Variants in PRPF19 observed in about 807,000 individuals in gnomAD.
PRPF19 encodes pre-mRNA-processing factor 19.
Under a neutral mutation model 64.2 loss-of-function variants are expected in PRPF19, and 2 were observed. The observed-to-expected ratio is 0.03, with a 90% CI of 0.01 to 0.10. PRPF19 has a LOEUF of 0.10. Ranked by LOEUF, PRPF19 falls within the 10% of genes least tolerant of loss-of-function variation. The pLI, the probability that PRPF19 is intolerant of heterozygous loss-of-function variation, is 1.00. For synonymous variants in PRPF19, 226 were observed against 251.6 expected, an observed-to-expected ratio of 0.90 and a Z score of 0.96; for missense variants, 314 against 650.0, an observed-to-expected ratio of 0.48 and a Z score of 5.62.
intron 1 of PRPF19, 145 bp downstream of exon 1, chr11:60,906,219 C>G: frequency 1.5e-6 from 2 of 1,296,984 alleles, no homozygotes; most frequent in Non-Finnish European, 1.0e-6. Context: ...ACGGGGGGGG[C>G]TCCGGTGCTG....
chr11:60,904,867 C>T (rs1856025666), intron 1 of PRPF19, among the ~76,000 whole-genome samples: 1 of 152,176 alleles, frequency 6.6e-6, no homozygotes. Flanking sequence ...CCTCTCATTT[C>T]CCCAGGTAAA....
rs769596224 is a variant in PRPF19 at position 60,898,513 on chromosome 11, C to A, written c.1140+28G>T. 7 of 1,613,900 alleles carry A rather than the reference C, an allele frequency of 4.3e-6. No homozygotes were observed. The South Asian group carries it at 7.7e-5, about 18-fold the overall frequency. ...CACAAACACTCCCTCTGGCCCTGGG[C>A]CTCAGATGGAGGCCTACCATGTCCT... On this transcript the variant is annotated intron_variant, in intron 13 of 15. Transcript: ENST00000227524. This position sits in a 1 kb window ranked among gnomAD's most constrained non-coding sequence, Gnocchi z 4.6.
chr11:60,899,682 A>C (rs969807152), intron 10 of PRPF19, among the ~76,000 whole-genome samples: 2 of 152,214 alleles, frequency 1.3e-5, no homozygotes, highest in Non-Finnish European at 2.9e-5. Flanking sequence ...CTGCTACTGT[A>C]CTGTATGGCA....
At chr11:60,901,164 G>C (rs566167780) in intron 8 of PRPF19, 131 bp downstream of exon 8, 6 of 1,109,644 alleles carry the variant, frequency 5.4e-6, no homozygotes, top group Non-Finnish European at 7.7e-6. Flanking sequence ...CAGCCCAGGC[G>C]AGAAACAGCA....
intron 3 of PRPF19, 129 bp from the exon 4 acceptor site, chr11:60,903,010 A>G: frequency 7.0e-7 from 1 of 1,421,418 alleles, no homozygotes; most frequent in East Asian, 2.5e-5. Context: ...CCCAAACAAT[A>G]TCCGAGCAAA....
chr11:60,892,104 C>A (rs1267583745), intron 15 of PRPF19, among the ~76,000 whole-genome samples: 4 of 152,170 alleles, frequency 2.6e-5, no homozygotes, highest in Non-Finnish European at 5.9e-5. Flanking sequence ...AGCTGTCACA[C>A]CCTGCAAAGC....
At position 60,898,449 on chromosome 11, in the gene PRPF19, G is replaced by A. The variant is rs1855945147; in HGVS notation, c.1140+92C>T. 1 of 1,591,542 alleles carries A rather than the reference G, an allele frequency of 6.3e-7. No homozygotes were observed. Among genetic ancestry groups the A allele is most frequent in the East Asian group, 2.3e-5 (1 of 44,276 alleles). ...CACAGCCAGTGTCTCTCCACCTTCA[G>A]GGCCAGGTGCCACAAGCACCTAATT... On this transcript the variant is annotated intron_variant, in intron 13 of 15. Transcript: ENST00000227524. The surrounding 1 kb of genome is among the most constrained non-coding windows in gnomAD (Gnocchi z 4.6).
intron 8 of PRPF19, 84 bp from the exon 9 acceptor site, chr11:60,901,013 A>C (rs1855978410): frequency 6.9e-7 from 1 of 1,457,478 alleles, no homozygotes; most frequent in Non-Finnish European, 9.6e-7. Flanking sequence ...TGCCATCTCC[A>C]GTCACCCATG....
intron 15 of PRPF19, among the ~76,000 whole-genome samples, chr11:60,893,727 G>A (rs1376907057): frequency 6.6e-6 from 1 of 152,164 alleles, no homozygotes; most frequent in African/African-American, 2.4e-5. Context: ...GGCCGAGGCA[G>A]GTGGATCGCT....
In PRPF19 at chr11:60,903,749, G is replaced by A. The variant is rs1277374828; in HGVS notation, c.132C>T (p.Asn44=). Residue 44 remains asparagine (N), a synonymous_variant, in exon 2 of 16, where the codon AAC becomes AAT. Transcript: ENST00000227524. ...IAENGTDPIN[N]QPLSEEQLID... is the part of the protein sequence containing the mutation. ...TGAGCTGCTCCTCGGAGAGAGGCTG[G>A]TTGTTGATGGGGTCGGTACCATTCT... is the stretch of plus-strand genomic sequence containing the variant. The A allele has an allele frequency of 1.1e-5, 17 of 1,599,694 alleles. No individual in the cohort carries two copies. Among genetic ancestry groups the A allele is most frequent in the Non-Finnish European group, 1.4e-5 (17 of 1,175,832 alleles).
intron 7 of PRPF19, 21 bp downstream of exon 7, chr11:60,901,478 G>A (rs72916983): frequency 7.1e-4 from 1,141 of 1,614,204 alleles, no homozygotes; most frequent in Non-Finnish European, 9.2e-4. Flanking sequence ...TCTTTCTCCA[G>A]GCTTCAGAAA....
At chr11:60,899,532 C>T (rs2134862104) in intron 10 of PRPF19, among the ~76,000 whole-genome samples, 1 of 152,352 alleles carries the variant, frequency 6.6e-6, no homozygotes, top group Admixed American at 6.5e-5. Flanking sequence ...GCGTCCTCGC[C>T]ATCTAGTGGT....
rs772187566 is a variant in PRPF19, at chr11:60,903,513, C to T, written c.192G>A (p.Lys64=). ...DIKVAHPIRP[K]PPSATSIPAI... is the part of the protein sequence containing the mutation. ...CCGGGATGCTGGTGGCTGAGGGAGG[C>T]TTGGGCCGGATTGGGTGAGCAACTG... Residue 64 remains lysine (K), a synonymous_variant, in exon 3 of 16, where the codon AAG becomes AAA. Transcript: ENST00000227524. 23 of 1,613,974 alleles carry T rather than the reference C, an allele frequency of 1.4e-5. No homozygotes were observed. The highest frequency in any genetic ancestry group is 1.6e-4 in the Middle Eastern group (1 of 6,082).
At chr11:60,899,073 G>A (rs11820325) in intron 11 of PRPF19, 76 bp downstream of exon 11, 1 of 1,531,842 alleles carries the variant, frequency 6.5e-7, no homozygotes, top group South Asian at 1.2e-5. Context: ...GCTGGGGTGG[G>A]AAGATGTTCC....
Position 60,902,282 on chromosome 11 carries a change from G to T in PRPF19, c.525+121C>A. On this transcript the variant is annotated intron_variant, in intron 6 of 15. Transcript: ENST00000227524. This position sits in a 1 kb window ranked among gnomAD's most constrained non-coding sequence, Gnocchi z 5.0. The stretch of plus-strand genomic sequence containing the variant: ...ACAAACCCAGGCAATCTGGTCCCAG[G>T]GTCCATGCTCTGCACCACTCAACTC... 4 of 1,104,604 alleles carry T rather than the reference G, an allele frequency of 3.6e-6. No homozygotes were observed. The South Asian group carries it at 4.3e-5, about 12-fold the overall frequency. 68.4% of individuals were successfully genotyped at this position (1,104,604 alleles called of 1,614,324 possible). A position where few individuals can be genotyped will look rare whatever the true frequency, so the allele number is the denominator to read the frequency against.
intron 8 of PRPF19, 132 bp from the exon 9 acceptor site, chr11:60,901,061 A>G (rs895001161): frequency 1.8e-6 from 2 of 1,101,894 alleles, no homozygotes; most frequent in African/African-American, 3.1e-5. Context: ...TTCCTTATCC[A>G]TACCTCTTGG....
Position 60,902,997 on chromosome 11 carries a change from T to C in PRPF19, c.247-116A>G. Reference sequence around the variant, plus strand: ...ATCCCAGAGCCTAGACCAGTATCAGTGACCCAAACAATATCCGAGCAAACA... The same window carrying C: ...ATCCCAGAGCCTAGACCAGTATCAGCGACCCAAACAATATCCGAGCAAACA... On this transcript the variant is annotated intron_variant, in intron 3 of 15. Transcript: ENST00000227524. The surrounding 1 kb of genome is among the most constrained non-coding windows in gnomAD (Gnocchi z 5.0). 1 of 1,463,936 alleles carries C rather than the reference T, an allele frequency of 6.8e-7. No individual in the cohort carries two copies. Among genetic ancestry groups the C allele is most frequent in the Non-Finnish European group, 9.1e-7 (1 of 1,099,520 alleles). 90.7% of individuals were successfully genotyped at this position (1,463,936 alleles called of 1,614,324 possible). A position where few individuals can be genotyped will look rare whatever the true frequency, so the allele number is the denominator to read the frequency against.
intron 15 of PRPF19, among the ~76,000 whole-genome samples, chr11:60,892,656 T>C (rs1270993907): frequency 6.6e-6 from 1 of 152,156 alleles, no homozygotes; most frequent in Non-Finnish European, 1.5e-5. Context: ...CCCCAAAGTA[T>C]GGTGGTTTGG....
In PRPF19 at chr11:60,906,376, G is replaced by A; in HGVS notation, c.7C>T (p.Leu3=). Reference sequence around the variant, plus strand: ...AGCCAACACTCACTGGAGCAGATTAGGGACATGGCGCCGTCACCGTGCTCC... The same window carrying A: ...AGCCAACACTCACTGGAGCAGATTAAGGACATGGCGCCGTCACCGTGCTCC... MS[L]ICSISNEVPE... is the part of the protein sequence containing the mutation. The change falls in exon 1 of 16, where the codon CTA becomes TTA. Residue 3 remains leucine (L), a synonymous_variant. Transcript: ENST00000227524. 1 of 1,598,520 alleles carries A rather than the reference G, an allele frequency of 6.3e-7. No individual in the cohort carries two copies. Among genetic ancestry groups the A allele is most frequent in the Non-Finnish European group, 8.5e-7 (1 of 1,174,320 alleles).
Sources: gnomAD v4.1 joint callset for allele counts (sites outside exome capture counted in the v4.1 genomes callset) on GRCh38, gnomAD v4.1.1 for gene constraint, Gnocchi (gnomAD v3.1) non-coding constraint, MANE v1.5 for transcripts, NCBI Gene and HGNC (gene_info 2026-07-23, HGNC 2026-07-21) for gene names.